Variants in DNAH11 observed in about 807,000 individuals in gnomAD.
The protein encoded by DNAH11 is axonemal beta dynein heavy chain 11.
In DNAH11, 442 loss-of-function variants were observed where a neutral mutation model predicts 526.0. The observed-to-expected ratio is 0.84, with a 90% confidence interval of 0.78 to 0.91. DNAH11 has a LOEUF of 0.91. Ranked by LOEUF, DNAH11 falls within the 40% of genes least tolerant of loss-of-function variation. The pLI is 0.00. For missense variants in DNAH11, 6,989 were observed against 5,448.7 expected (o/e 1.28, Z -8.90); for synonymous variants, 2,461 against 1,935.9 (o/e 1.27, Z -7.12).
At chr7:21,633,412 A>T (rs888847896) in intron 25 of DNAH11, among the ~76,000 whole-genome samples, 1 of 152,168 alleles carries the variant, frequency 6.6e-6, no homozygotes, top group Admixed American at 6.5e-5. Context: ...GAATATTGTT[A>T]TCCCCTTCTA....
rs551906149 is a variant in DNAH11 at position 21,804,727 on chromosome 7, A to G, written c.10166-3156A>G. 2.0e-4 allele frequency among the ~76,000 whole-genome samples: 30 copies of G among 152,104 alleles called. No individual in the cohort carries two copies. In the South Asian group the frequency reaches 6.2e-3, roughly 32 times the overall value. On this transcript the variant is annotated intron_variant, in intron 62 of 81. Coordinates refer to ENST00000409508, the MANE Select transcript of DNAH11 (RefSeq NM_001277115.2). Reference sequence around the variant, plus strand: ...TTACCATGCTGGTCCAGGCTGTGGCATCTCTCCCCTAGGGTACCTCTGCAG... The same window carrying G: ...TTACCATGCTGGTCCAGGCTGTGGCGTCTCTCCCCTAGGGTACCTCTGCAG...
intron 61 of DNAH11, among the ~76,000 whole-genome samples, chr7:21,799,745 G>GT (rs1427489102): frequency 6.6e-6 from 1 of 152,110 alleles, no homozygotes; most frequent in African/African-American, 2.4e-5. Flanking sequence ...ACATATTTGT[G>GT]TATATATACA....
At chr7:21,719,898 G>C (rs993096877) in intron 43 of DNAH11, among the ~76,000 whole-genome samples, 1 of 152,130 alleles carries the variant, frequency 6.6e-6, no homozygotes, top group Non-Finnish European at 1.5e-5. Flanking sequence ...AATTAATGAC[G>C]ACTTTCTGTG....
In DNAH11 at chr7:21,771,942, A is replaced by G. The variant is rs115980058; in HGVS notation, c.9103-1824A>G. Among the ~76,000 whole-genome samples, 837 of 152,336 alleles carry G rather than the reference A, an allele frequency of 5.5e-3. 7 individuals carry two copies. Among genetic ancestry groups the G allele is most frequent in the African/African-American group, 0.019 (796 of 41,576 alleles). ...TGAAATTACTGCAATTAGTAGTTCT[A>G]CAATGACCCTTTTAAAAGCCACAGC... On this transcript the variant is annotated intron_variant, in intron 55 of 81. Transcript: ENST00000409508.
At chr7:21,819,521 A>G (rs1789963342) in intron 65 of DNAH11, among the ~76,000 whole-genome samples, 1 of 152,234 alleles carries the variant, frequency 6.6e-6, no homozygotes, top group South Asian at 2.1e-4. Context: ...TTAAAAATAT[A>G]GTGTAAAATC....
chr7:21,583,437 A>G (rs566034873), intron 9 of DNAH11, among the ~76,000 whole-genome samples: 1 of 152,130 alleles, frequency 6.6e-6, no homozygotes, highest in Non-Finnish European at 1.5e-5. Context: ...AAAAATTAAG[A>G]TGGATTAAAG....
chr7:21,741,222 T>A (rs1785874200), intron 48 of DNAH11, among the ~76,000 whole-genome samples: 3 of 152,232 alleles, frequency 2.0e-5, no homozygotes. Context: ...TAGGCTTTTT[T>A]TTCCACGTAG....
At chr7:21,582,922 G>A (rs745370994) in intron 9 of DNAH11, among the ~76,000 whole-genome samples, 12 of 152,208 alleles carry the variant, frequency 7.9e-5, no homozygotes, top group South Asian at 2.1e-4. Context: ...AGACACCGGC[G>A]TTCTCTGGCC....
At chr7:21,756,223 G>T (rs1199579347) in intron 54 of DNAH11, among the ~76,000 whole-genome samples, 1 of 151,910 alleles carries the variant, frequency 6.6e-6, no homozygotes, top group African/African-American at 2.4e-5. Context: ...TAAATTATAA[G>T]ATGGCTTTCC....
chr7:21,743,840 A>T (rs1029599), intron 49 of DNAH11, among the ~76,000 whole-genome samples: 1 of 151,958 alleles, frequency 6.6e-6, no homozygotes, highest in African/African-American at 2.4e-5. Flanking sequence ...AGCCTTTTGC[A>T]GCTCAGTTCT....
chr7:21,847,554 A>G (rs1782463535), intron 66 of DNAH11, among the ~76,000 whole-genome samples: 1 of 152,066 alleles, frequency 6.6e-6, no homozygotes, highest in Non-Finnish European at 1.5e-5. Flanking sequence ...ACTTTGTATG[A>G]TTTCTATTCT....
At position 21,543,274 on chromosome 7, in the gene DNAH11, C is replaced by T. The variant is rs1447785581; in HGVS notation, c.29C>T (p.Ala10Val). The T allele has an allele frequency of 6.5e-7, 1 of 1,540,732 alleles. No individual in the cohort carries two copies. Among genetic ancestry groups the T allele is most frequent in the Non-Finnish European group, 8.8e-7 (1 of 1,141,810 alleles). Reference protein sequence around the residue: MAAQVAAREARDFREAPTLR... With the variant: MAAQVAAREVRDFREAPTLR... ...GCAGCCCAGGTGGCAGCCCGGGAGG[C>T]GCGAGACTTCAGAGAAGCCCCGACC... The change falls in exon 1 of 82, where the codon GCG becomes GTG. Residue 10 changes from alanine (A) to valine (V), a missense_variant. By Grantham distance (64) the Ala-to-Val change is moderately conservative. Coordinates refer to ENST00000409508, the MANE Select transcript of DNAH11 (RefSeq NM_001277115.2).
rs1283418575 is a variant in DNAH11 at position 21,838,395 on chromosome 7, CATATT to C, written c.10692-4144_10692-4140del. ...AGCATCCTTATCAAGATATAAGTCA[CATATT>C]ATATAATTCACCCACTCAAAGTGTG... On this transcript the variant is annotated intron_variant, in intron 65 of 81. Transcript: ENST00000409508. Among the ~76,000 whole-genome samples the C allele has an allele frequency of 5.9e-5, 9 of 152,306 alleles. 1 individual carries two copies. In the South Asian group the frequency reaches 1.9e-3, roughly 32 times the overall value.
chr7:21,816,510 T>C lies in DNAH11; in HGVS notation c.10376T>C (p.Leu3459Ser). Residue 3459 changes from leucine (L) to serine (S), a missense_variant, in exon 64 of 82, where the codon TTG (leucine) becomes TCG (serine). Transcript: ENST00000409508. ...GAAGGCCTGGACTTGATATCCATGT[T>C]GACGGATGATGCTACAATTGCCGCC... ...LTEGLDLISMLTDDATIAAWN... is the reference protein window; with the variant it reads ...LTEGLDLISMSTDDATIAAWN... The C allele has an allele frequency of 6.2e-7, 1 of 1,611,846 alleles. No homozygotes were observed. The highest frequency in any genetic ancestry group is 1.7e-5 in the Admixed American group (1 of 59,674).
intron 40 of DNAH11, among the ~76,000 whole-genome samples, chr7:21,709,018 A>C (rs1583615268): frequency 1.3e-5 from 2 of 152,180 alleles, no homozygotes; most frequent in African/African-American, 4.8e-5. Flanking sequence ...ATTAGTTTGG[A>C]GATTTCTCAA....
At chr7:21,788,803 T>C (rs1211907711) in intron 60 of DNAH11, among the ~76,000 whole-genome samples, 1 of 152,250 alleles carries the variant, frequency 6.6e-6, no homozygotes, top group Non-Finnish European at 1.5e-5. Context: ...ATGCAATTTC[T>C]AGTAATATGA....
intron 54 of DNAH11, among the ~76,000 whole-genome samples, chr7:21,758,398 T>G (rs1010564097): frequency 1.3e-5 from 2 of 152,190 alleles, no homozygotes; most frequent in Admixed American, 1.3e-4. Context: ...CAGAAAAGTT[T>G]TTTTCAAACT....
intron 38 of DNAH11, 137 bp downstream of exon 38, chr7:21,704,765 C>T (rs1784202037): frequency 3.2e-6 from 3 of 941,526 alleles, no homozygotes; most frequent in South Asian, 2.1e-5. Context: ...CAAGCATTTT[C>T]ATATGGCAGG....
intron 30 of DNAH11, among the ~76,000 whole-genome samples, chr7:21,679,467 C>T (rs1451112854): frequency 1.3e-5 from 2 of 152,194 alleles, no homozygotes; most frequent in East Asian, 3.8e-4. Context: ...TGTATACCTA[C>T]ATCAAAATAT....
Sources: gnomAD v4.1 joint callset for allele counts (sites outside exome capture counted in the v4.1 genomes callset) on GRCh38, gnomAD v4.1.1 for gene constraint, MANE v1.5 for transcripts, NCBI Gene and HGNC (gene_info 2026-07-23, HGNC 2026-07-21) for gene names.